Variants in PCDH11X observed in about 807,000 individuals in gnomAD.
PCDH11X encodes the protein protocadherin 11 X-linked.
Under a neutral mutation model 53.3 loss-of-function variants are expected in PCDH11X, and 18 were observed. The ratio of observed to expected loss-of-function variants is 0.34; its 90% CI spans 0.23 to 0.50. PCDH11X has a LOEUF of 0.50. Ranked by LOEUF, PCDH11X falls within the 20% of genes least tolerant of loss-of-function variation. PCDH11X has a pLI of 0.98. For missense variants in PCDH11X, 570 were observed against 1,032.4 expected (o/e 0.55, Z 6.14); for synonymous variants, 279 against 393.3 (o/e 0.71, Z 3.44).
intron 10 of PCDH11X, among the ~76,000 whole-genome samples, chrX:92,522,959 T>C (rs1376100106): frequency 9.0e-6 from 1 of 111,482 alleles, no homozygotes; most frequent in Non-Finnish European, 1.9e-5. Flanking sequence ...AGTTAAGATT[T>C]GGCCACTAAG....
At chrX:91,808,212 T>C (rs1373598169) in intron 1 of PCDH11X, among the ~76,000 whole-genome samples, 1 of 107,557 alleles carries the variant, frequency 9.3e-6, no homozygotes, top group African/African-American at 3.4e-5. Flanking sequence ...AAAAGGAATG[T>C]GTGGCTGGGT....
intron 7 of PCDH11X, among the ~76,000 whole-genome samples, chrX:92,208,638 G>T (rs2066524725): frequency 9.9e-6 from 1 of 100,637 alleles, no homozygotes; most frequent in Admixed American, 1.1e-4. Context: ...AAAGTAAGAT[G>T]ATCCTTTATG....
At chrX:92,136,742 G>A (rs1041733016) in intron 6 of PCDH11X, among the ~76,000 whole-genome samples, 5 of 109,590 alleles carry the variant, frequency 4.6e-5, no homozygotes, top group Non-Finnish European at 9.5e-5. Flanking sequence ...CATTTTAAGA[G>A]CTTTAACTTT....
At chrX:92,551,950 G>T (rs1198042364) in intron 10 of PCDH11X, among the ~76,000 whole-genome samples, 1 of 91,620 alleles carries the variant, frequency 1.1e-5, no homozygotes, top group Non-Finnish European at 2.2e-5. Flanking sequence ...TACTATAGCA[G>T]TGTAGTATAA....
intron 4 of PCDH11X, among the ~76,000 whole-genome samples, chrX:91,825,719 A>G (rs911704836): frequency 3.7e-5 from 4 of 108,123 alleles, no homozygotes; most frequent in Non-Finnish European, 7.5e-5. Context: ...GCATTTCTTA[A>G]GCACTTACTG....
At chrX:92,459,735 C>G (rs1286644007) in intron 9 of PCDH11X, 11 of 1,107,287 alleles carry the variant, frequency 9.9e-6, no homozygotes, top group South Asian at 1.9e-5. Flanking sequence ...AGGCGCCCAG[C>G]TACGGCGCCC....
Position 91,974,075 on chromosome X carries a change from T to A in PCDH11X, c.3033+94802T>A, listed in dbSNP as rs183756278. Among the ~76,000 whole-genome samples, 70 of 111,290 alleles carry A rather than the reference T, an allele frequency of 6.3e-4. 1 individual carries two copies. Among genetic ancestry groups the A allele is most frequent in the Admixed American group, 2.2e-3 (23 of 10,442 alleles). On this transcript the variant is annotated intron_variant, in intron 6 of 10. Transcript: ENST00000682573. ...AACTTTTTATAAATCTGGAAAAAAA[T>A]TTTTTTTATATAATAGCAAAGCTTT...
chrX:92,485,795 G>T (rs1168845513), intron 10 of PCDH11X, among the ~76,000 whole-genome samples: 3 of 111,354 alleles, frequency 2.7e-5, no homozygotes, highest in African/African-American at 9.8e-5. Flanking sequence ...ACAAAATTGA[G>T]TACTTTGATT....
chrX:91,923,805 A>G (rs764433928), intron 6 of PCDH11X, among the ~76,000 whole-genome samples: 1 of 111,172 alleles, frequency 9.0e-6, no homozygotes, highest in South Asian at 3.8e-4. Flanking sequence ...AAAACCAAAT[A>G]CCACATGTTC....
intron 4 of PCDH11X, among the ~76,000 whole-genome samples, chrX:91,834,008 C>T (rs1312218003): frequency 9.0e-6 from 1 of 111,433 alleles, no homozygotes; most frequent in Non-Finnish European, 1.9e-5. Flanking sequence ...TTTAAATAAC[C>T]ATCTGACCAC....
chrX:92,216,139 G>A (rs1354866969), intron 7 of PCDH11X, among the ~76,000 whole-genome samples: 1 of 109,188 alleles, frequency 9.2e-6, no homozygotes, highest in Non-Finnish European at 1.9e-5. Context: ...ACTCTAAAAA[G>A]CAGAGCACCT....
intron 7 of PCDH11X, among the ~76,000 whole-genome samples, chrX:92,225,536 G>A (rs905523912): frequency 9.0e-6 from 1 of 111,569 alleles, no homozygotes; most frequent in Non-Finnish European, 1.9e-5. Context: ...GGTAGAATAA[G>A]TAATATGCTG....
At chrX:92,412,000 GGAAGAA>G (rs201700241) in intron 9 of PCDH11X, among the ~76,000 whole-genome samples, 1 of 52,923 alleles carries the variant, frequency 1.9e-5, no homozygotes, top group Admixed American at 2.2e-4. Context: ...GGGAGGAGGA[GGAAGAA>G]GAAGAAGAAG....
intron 6 of PCDH11X, among the ~76,000 whole-genome samples, chrX:91,905,721 A>C (rs990625718): frequency 1.8e-5 from 2 of 111,447 alleles, no homozygotes; most frequent in African/African-American, 6.5e-5. Context: ...CCTCTGTGTC[A>C]ACTCTACACT....
At chrX:91,825,400 G>A (rs747742697) in intron 4 of PCDH11X, among the ~76,000 whole-genome samples, 149 of 111,916 alleles carry the variant, frequency 1.3e-3, no homozygotes, top group African/African-American at 2.5e-3. Flanking sequence ...TAAGCCCGTC[G>A]GAAAAGCACA....
chrX:92,166,880 A>G (rs1356950490), intron 6 of PCDH11X, among the ~76,000 whole-genome samples: 4 of 111,461 alleles, frequency 3.6e-5, no homozygotes, highest in Non-Finnish European at 7.5e-5. Flanking sequence ...CCTGGTGGAC[A>G]GAGTCCCCAT....
At chrX:92,097,168 A>T (rs765220813) in intron 6 of PCDH11X, among the ~76,000 whole-genome samples, 1 of 111,585 alleles carries the variant, frequency 9.0e-6, no homozygotes, top group South Asian at 3.8e-4. Context: ...CTGTAATCCC[A>T]GTACTTTGTG....
At chrX:92,078,255 C>T (rs1273720766) in intron 6 of PCDH11X, among the ~76,000 whole-genome samples, 1 of 110,206 alleles carries the variant, frequency 9.1e-6, no homozygotes, top group East Asian at 2.8e-4. Context: ...GATCATGTTG[C>T]AAAATATTTA....
intron 8 of PCDH11X, among the ~76,000 whole-genome samples, chrX:92,322,986 C>T (rs34591124): frequency 3.6e-5 from 4 of 111,868 alleles, no homozygotes; most frequent in East Asian, 2.8e-4. Flanking sequence ...AACTTGAAAT[C>T]GGTAATACAT....
Sources: gnomAD v4.1 joint callset for allele counts (sites outside exome capture counted in the v4.1 genomes callset) on GRCh38, gnomAD v4.1.1 for gene constraint, MANE v1.5 for transcripts, NCBI Gene and HGNC (gene_info 2026-07-23, HGNC 2026-07-21) for gene names.